Variants in SYNDIG1 observed in about 807,000 individuals in gnomAD.
The protein encoded by SYNDIG1 is synapse differentiation inducing 1, also known as synapse differentiation-inducing gene protein 1.
In SYNDIG1, 9 loss-of-function variants were observed where a neutral mutation model predicts 19.4. The observed-to-expected ratio is 0.46, with a 90% CI of 0.28 to 0.81. The LOEUF is 0.81. Ranked by LOEUF, SYNDIG1 falls within the 30% of genes least tolerant of loss-of-function variation. The pLI is 0.12. For missense variants in SYNDIG1, 311 were observed against 343.3 expected, an observed-to-expected ratio of 0.91 and a Z score of 0.74; for synonymous variants, 141 against 145.9, an observed-to-expected ratio of 0.97 and a Z score of 0.24.
intron 1 of SYNDIG1, among the ~76,000 whole-genome samples, chr20:24,476,428 G>A (rs926660267): frequency 1.3e-5 from 2 of 152,090 alleles, no homozygotes; most frequent in Non-Finnish European, 2.9e-5. Context: ...AGCACTTTGG[G>A]AGGCTAAGGC....
rs544852650 is a variant in SYNDIG1 at position 24,656,890 on chromosome 20, G to A, written c.619-8456G>A. On this transcript the variant is annotated intron_variant, in intron 3 of 3. Transcript: ENST00000376862. Reference sequence around the variant, plus strand: ...AGTTGGGGCCTGGTGGGAAGTGTTTGGGTCCTGCGGACGGATCCCTCATGG... The same window carrying A: ...AGTTGGGGCCTGGTGGGAAGTGTTTAGGTCCTGCGGACGGATCCCTCATGG... Among the ~76,000 whole-genome samples the A allele has an allele frequency of 3.9e-5, 6 of 152,320 alleles. No homozygotes were observed. In the South Asian group the frequency reaches 1.0e-3, roughly 26 times the overall value.
intron 3 of SYNDIG1, among the ~76,000 whole-genome samples, chr20:24,655,143 A>G (rs2059512304): frequency 6.6e-6 from 1 of 152,212 alleles, no homozygotes; most frequent in Non-Finnish European, 1.5e-5. Context: ...ATCAGCTTCA[A>G]TTGGAGCAGA....
chr20:24,544,081 G>C (rs954996084), intron 2 of SYNDIG1, among the ~76,000 whole-genome samples: 3 of 152,222 alleles, frequency 2.0e-5, no homozygotes, highest in African/African-American at 7.2e-5. Flanking sequence ...TGTAGGTACT[G>C]ATAGCCTGAA....
intron 2 of SYNDIG1, among the ~76,000 whole-genome samples, chr20:24,556,425 A>T (rs913944810): frequency 3.3e-5 from 5 of 152,060 alleles, no homozygotes; most frequent in African/African-American, 1.2e-4. Context: ...ATTTGGCATG[A>T]TTTTGCAGGG....
At chr20:24,518,341 CTT>C (rs1299889119) in intron 1 of SYNDIG1, among the ~76,000 whole-genome samples, 3 of 152,018 alleles carry the variant, frequency 2.0e-5, no homozygotes, top group Non-Finnish European at 4.4e-5. Flanking sequence ...AATGGGGACT[CTT>C]TGCAGTCTCT....
chr20:24,607,881 C>A (rs944020057), intron 3 of SYNDIG1, among the ~76,000 whole-genome samples: 2 of 152,166 alleles, frequency 1.3e-5, no homozygotes, highest in Non-Finnish European at 2.9e-5. Context: ...CCGAAGGTAA[C>A]GTTAATGCAT....
Position 24,584,954 on chromosome 20 carries a change from C to T in SYNDIG1, c.579C>T (p.Phe193=). 6.2e-7 allele frequency: 1 copy of T among 1,613,560 alleles called. No homozygotes were observed. Among genetic ancestry groups the T allele is most frequent in the South Asian group, 1.1e-5 (1 of 91,052 alleles). The change falls in exon 3 of 4, where the codon TTC becomes TTT. Residue 193 remains phenylalanine (F), a synonymous_variant. Transcript: ENST00000376862. ...GLSVFSMLCC[F]WPLGIAAFYL... ...GTGTCTTCTCCATGCTCTGCTGCTTCTGGCCTCTGGGCATCGCAGCCTTCT... is the reference window on the plus strand; with the variant it reads ...GTGTCTTCTCCATGCTCTGCTGCTTTTGGCCTCTGGGCATCGCAGCCTTCT...
chr20:24,517,839 T>C (rs906633085), intron 1 of SYNDIG1, among the ~76,000 whole-genome samples: 12 of 149,608 alleles, frequency 8.0e-5, no homozygotes, highest in African/African-American at 2.7e-4. Flanking sequence ...GGAGTCTGGC[T>C]CTGTCACCCA....
intron 1 of SYNDIG1, among the ~76,000 whole-genome samples, chr20:24,484,376 C>A (rs1452050213): frequency 6.6e-6 from 1 of 152,178 alleles, no homozygotes; most frequent in East Asian, 1.9e-4. Flanking sequence ...TTTCTCACAG[C>A]ATGGCAGCCT....
chr20:24,597,514 G>A (rs139634332), intron 3 of SYNDIG1, among the ~76,000 whole-genome samples: 31 of 152,150 alleles, frequency 2.0e-4, no homozygotes, highest in Admixed American at 3.9e-4. Flanking sequence ...GTGGTGGATC[G>A]GGGCTGGAAT....
chr20:24,661,446 A>AAGGAGGGAAGG (rs2059591198), intron 3 of SYNDIG1, among the ~76,000 whole-genome samples: 1 of 122,686 alleles, frequency 8.2e-6, no homozygotes, highest in African/African-American at 3.0e-5. Flanking sequence ...AGGAAGGAGG[A>AAGGAGGGAAGG]AAGAGGGAGG....
chr20:24,537,212 A>C lies in SYNDIG1; in HGVS notation c.-78-5808A>C, dbSNP rs6114761. ...CCTCTGCCTGGAACATCTCCCCTGC[A>C]CAGCTTAACCTGTTGATTTTTTCAA... is the stretch of plus-strand genomic sequence containing the variant. On this transcript the variant is annotated intron_variant, in intron 1 of 3. Coordinates refer to ENST00000376862, the MANE Select transcript of SYNDIG1 (RefSeq NM_024893.3). 9.9e-3 allele frequency among the ~76,000 whole-genome samples: 1,504 copies of C among 152,162 alleles called. 28 individuals carry two copies. Among genetic ancestry groups the C allele is most frequent in the African/African-American group, 0.034 (1,422 of 41,484 alleles).
At chr20:24,572,809 C>A (rs1484822931) in intron 2 of SYNDIG1, among the ~76,000 whole-genome samples, 1 of 152,148 alleles carries the variant, frequency 6.6e-6, no homozygotes, top group East Asian at 1.9e-4. Context: ...ACTGTAACAA[C>A]TGATAGTGCA....
At chr20:24,534,822 G>A (rs1017128850) in intron 1 of SYNDIG1, among the ~76,000 whole-genome samples, 1 of 152,208 alleles carries the variant, frequency 6.6e-6, no homozygotes. Flanking sequence ...CCACATGCTC[G>A]TGGTGTGGTA....
rs1474272394 is a variant in SYNDIG1 at position 24,603,677 on chromosome 20, T to G, written c.618+18684T>G. Among the ~76,000 whole-genome samples, 4 of 152,112 alleles carry G rather than the reference T, an allele frequency of 2.6e-5. No individual in the cohort carries two copies. The East Asian group carries it at 7.7e-4, about 29-fold the overall frequency. On this transcript the variant is annotated intron_variant, in intron 3 of 3. Coordinates refer to ENST00000376862, the MANE Select transcript of SYNDIG1 (RefSeq NM_024893.3). ...GCATTCTCAGCGAGGAAGCATTGCA[T>G]TGAGAGTAGAGTAGACCATCAGGAG...
chr20:24,652,813 G>T (rs1353206816), intron 3 of SYNDIG1, among the ~76,000 whole-genome samples: 1 of 152,176 alleles, frequency 6.6e-6, no homozygotes, highest in Non-Finnish European at 1.5e-5. Flanking sequence ...GGAGACTGGG[G>T]CTACATAATC....
chr20:24,599,105 A>G (rs1416373611), intron 3 of SYNDIG1, among the ~76,000 whole-genome samples: 2 of 152,210 alleles, frequency 1.3e-5, no homozygotes, highest in Non-Finnish European at 2.9e-5. Flanking sequence ...CAAGGGATTA[A>G]TATCCAGAAT....
intron 3 of SYNDIG1, among the ~76,000 whole-genome samples, chr20:24,653,851 G>A (rs1428734943): frequency 2.0e-5 from 3 of 152,170 alleles, no homozygotes; most frequent in Non-Finnish European, 4.4e-5. Context: ...TCATCCCTCG[G>A]TGTGGTCTGT....
chr20:24,633,491 G>A (rs1160623202), intron 3 of SYNDIG1, among the ~76,000 whole-genome samples: 1 of 152,146 alleles, frequency 6.6e-6, no homozygotes, highest in Non-Finnish European at 1.5e-5. Context: ...AACGTTCACG[G>A]GGGGGAATGT....
Sources: allele counts gnomAD v4.1 joint callset (sites outside exome capture counted in the v4.1 genomes callset), GRCh38; gene constraint gnomAD v4.1.1; transcripts MANE v1.5; gene names NCBI Gene and HGNC (gene_info 2026-07-23, HGNC 2026-07-21).